Variants in TMEM9B observed in about 807,000 individuals in gnomAD.
TMEM9B encodes transmembrane protein 9B.
Under a neutral mutation model 23.5 loss-of-function variants are expected in TMEM9B, and 8 were observed. That is an observed-to-expected ratio of 0.34 (90% CI 0.20 to 0.61). TMEM9B has a LOEUF of 0.61. Among genes scored for constraint, TMEM9B ranks in the 20% least tolerant of loss-of-function variants. The pLI is 0.78. For synonymous variants in TMEM9B, 106 were observed against 96.3 expected (o/e 1.10, Z -0.59); for missense variants, 197 against 252.3 (o/e 0.78, Z 1.49).
Position 8,957,641 on chromosome 11 carries a change from G to C in TMEM9B, c.198-1343C>G, listed in dbSNP as rs1021639536. 1.3e-5 allele frequency among the ~76,000 whole-genome samples: 2 copies of C among 152,134 alleles called. No homozygotes were observed. Among genetic ancestry groups the C allele is most frequent in the Admixed American group, 6.5e-5 (1 of 15,282 alleles). On this transcript the variant is annotated intron_variant, in intron 2 of 4. Transcript: ENST00000534025. The surrounding 1 kb of genome is among the most constrained non-coding windows in gnomAD (Gnocchi z 4.3). Reference sequence around the variant, plus strand: ...TTGGAAACAAAGTTACAGCTTGGTGGGAGGAATAAGTTCTAGTGTTCTATA... The same window carrying C: ...TTGGAAACAAAGTTACAGCTTGGTGCGAGGAATAAGTTCTAGTGTTCTATA...
chr11:8,948,282 G>C lies in TMEM9B; in HGVS notation c.*38C>G. On this transcript the variant is annotated 3_prime_UTR_variant, in exon 5 of 5. Coordinates refer to ENST00000534025, the MANE Select transcript of TMEM9B (RefSeq NM_020644.3). ...CCCAGTCAGTTCTTTCCAGTTGTCT[G>C]CCTGTTTCTTTCTAGTCACCTTGAA... 6.3e-7 allele frequency: 1 copy of C among 1,598,328 alleles called. No homozygotes were observed. Among genetic ancestry groups the C allele is most frequent in the Non-Finnish European group, 8.5e-7 (1 of 1,170,838 alleles).
chr11:8,964,392 C>CAGGCACAGGCTT lies in TMEM9B; in HGVS notation c.-91_-80dup, dbSNP rs1854156435. 5 of 1,511,404 alleles carry CAGGCACAGGCTT rather than the reference C, an allele frequency of 3.3e-6. No homozygotes were observed. The highest frequency in any genetic ancestry group is 3.5e-6 in the Non-Finnish European group (4 of 1,132,942). 93.6% of individuals were successfully genotyped at this position (1,511,404 alleles called of 1,614,324 possible). A position where few individuals can be genotyped will look rare whatever the true frequency, so the allele number is the denominator to read the frequency against. On this transcript the variant is annotated 5_prime_UTR_variant, in exon 1 of 5. Transcript: ENST00000534025. ...TCGGGCTCAGGCTCAGGCTCAGGCT[C>CAGGCACAGGCTT]AGGCACAGGCTTGGGACCCGGCTGG...
chr11:8,960,998 A>G (rs1854069989), intron 2 of TMEM9B, among the ~76,000 whole-genome samples: 2 of 152,212 alleles, frequency 1.3e-5, no homozygotes, highest in South Asian at 2.1e-4. Flanking sequence ...ACATTCTTGT[A>G]TCATATAAAG....
chr11:8,951,192 G>A (rs1853868116), intron 4 of TMEM9B, among the ~76,000 whole-genome samples: 1 of 152,086 alleles, frequency 6.6e-6, no homozygotes, highest in Non-Finnish European at 1.5e-5. Context: ...TTATTATATT[G>A]TCTATTTCTG....
chr11:8,949,459 A>G (rs1168111373), intron 4 of TMEM9B, among the ~76,000 whole-genome samples: 3 of 152,228 alleles, frequency 2.0e-5, no homozygotes, highest in African/African-American at 2.4e-5. Flanking sequence ...AAGCTTCTCA[A>G]TGTTCCAACA....
At chr11:8,954,867 A>T (rs2568088) in intron 3 of TMEM9B, among the ~76,000 whole-genome samples, 89,860 of 151,484 alleles carry the variant, frequency 0.59, 27,020 homozygotes, top group East Asian at 0.77. Flanking sequence ...GTAAAAAAAA[A>T]TTAGGCCAGG....
chr11:8,954,403 C>T (rs908237841), intron 3 of TMEM9B, among the ~76,000 whole-genome samples: 1 of 152,000 alleles, frequency 6.6e-6, no homozygotes, highest in Non-Finnish European at 1.5e-5. Context: ...ATTCTCATGC[C>T]GTAGCCTCCC....
chr11:8,959,616 C>T (rs1250846763), intron 2 of TMEM9B, among the ~76,000 whole-genome samples: 1 of 152,124 alleles, frequency 6.6e-6, no homozygotes, highest in African/African-American at 2.4e-5. Context: ...ATTTTAATAA[C>T]AAAAAGATAC....
chr11:8,955,132 T>A (rs953739444), intron 3 of TMEM9B, among the ~76,000 whole-genome samples: 1 of 126,170 alleles, frequency 7.9e-6, no homozygotes, highest in African/African-American at 3.0e-5. Context: ...GCCTGGGCAA[T>A]AGAGCAAGAC....
At chr11:8,951,305 T>C (rs1213890578) in intron 4 of TMEM9B, among the ~76,000 whole-genome samples, 14 of 152,234 alleles carry the variant, frequency 9.2e-5, no homozygotes, top group Admixed American at 7.9e-4. Context: ...AAAAGGACTT[T>C]TGACTGGCTG....
At chr11:8,954,385 A>T (rs1853937207) in intron 3 of TMEM9B, among the ~76,000 whole-genome samples, 1 of 151,764 alleles carries the variant, frequency 6.6e-6, no homozygotes, top group Non-Finnish European at 1.5e-5. Context: ...TGCCTCCAGG[A>T]TCAAGTGATT....
rs1166678115 is a variant in TMEM9B at position 8,956,250 on chromosome 11, T to C, written c.246A>G (p.Val82=). 1 of 1,613,874 alleles carries C rather than the reference T, an allele frequency of 6.2e-7. No individual in the cohort carries two copies. The highest frequency in any genetic ancestry group is 8.5e-7 in the Non-Finnish European group (1 of 1,180,024). Residue 82 remains valine (V), a synonymous_variant, in exon 3 of 5, where the codon GTA becomes GTG. Coordinates refer to ENST00000534025, the MANE Select transcript of TMEM9B (RefSeq NM_020644.3). ...ATTCACAGCGTAGACAGTATGCTTC[T>C]ACATCAGGCCCCCGCACAGGCATGG... The part of the protein sequence containing the change: ...VEPMPVRGPD[V]EAYCLRCECK...
At chr11:8,952,091 AGAGT>A (rs1853887424) in intron 4 of TMEM9B, among the ~76,000 whole-genome samples, 2 of 152,240 alleles carry the variant, frequency 1.3e-5, no homozygotes, top group Admixed American at 6.5e-5. Context: ...CATGGGCGAC[AGAGT>A]GAGACTCCGT....
upstream of TMEM9B, chr11:8,964,451 A>AG: frequency 7.0e-7 from 1 of 1,423,988 alleles, no homozygotes; most frequent in Non-Finnish European, 9.1e-7. Context: ...CTGGACGCGA[A>AG]GGCGTCACCG....
chr11:8,952,309 A>AGC (rs1853898928), intron 4 of TMEM9B, among the ~76,000 whole-genome samples: 1 of 125,824 alleles, frequency 7.9e-6, no homozygotes, highest in Admixed American at 8.6e-5. Flanking sequence ...AAACATATAT[A>AGC]ATGTACACAC....
intron 4 of TMEM9B, among the ~76,000 whole-genome samples, chr11:8,948,915 G>A (rs112568106): frequency 3.0e-4 from 45 of 152,154 alleles, no homozygotes; most frequent in African/African-American, 1.0e-3. Flanking sequence ...TGTGGCAGAG[G>A]AAAGATCTGT....
In TMEM9B at chr11:8,964,402, C is replaced by G; in HGVS notation, c.-89G>C. 6.8e-7 allele frequency: 1 copy of G among 1,477,588 alleles called. No homozygotes were observed. The highest frequency in any genetic ancestry group is 8.9e-7 in the Non-Finnish European group (1 of 1,118,106). 91.5% of individuals were successfully genotyped at this position (1,477,588 alleles called of 1,614,324 possible). A position where few individuals can be genotyped will look rare whatever the true frequency, so the allele number is the denominator to read the frequency against. On this transcript the variant is annotated 5_prime_UTR_variant, in exon 1 of 5. Transcript: ENST00000534025. ...GCTCAGGCTCAGGCTCAGGCACAGG[C>G]TTGGGACCCGGCTGGGGATCCTCCG...
At chr11:8,964,135 T>C in intron 1 of TMEM9B, 74 bp downstream of exon 1, 1 of 1,446,752 alleles carries the variant, frequency 6.9e-7, no homozygotes, top group Non-Finnish European at 9.4e-7. Flanking sequence ...AGGAGCAGGT[T>C]GGCAGACCCA....
chr11:8,950,327 T>C (rs1853852443), intron 4 of TMEM9B, among the ~76,000 whole-genome samples: 3 of 151,728 alleles, frequency 2.0e-5, no homozygotes, highest in Middle Eastern at 3.4e-3. Context: ...TATAAGAATA[T>C]GGTGCTTCAG....
Sources: gnomAD v4.1 joint callset for allele counts (sites outside exome capture counted in the v4.1 genomes callset) on GRCh38, gnomAD v4.1.1 for gene constraint, Gnocchi (gnomAD v3.1) non-coding constraint, MANE v1.5 for transcripts, NCBI Gene and HGNC (gene_info 2026-07-23, HGNC 2026-07-21) for gene names.